The following LYRM4 variants were observed in gnomAD, a reference collection of about 807,000 sequenced individuals.
The protein encoded by LYRM4 is LYR motif containing 4, also known as LYR motif-containing protein 4.
LYRM4 carries 9 observed loss-of-function variants against 11.7 expected under a neutral mutation model. The ratio of observed to expected loss-of-function variants is 0.77; its 90% CI spans 0.46 to 1.34. The LOEUF (loss-of-function observed/expected upper bound fraction) is 1.34, where lower values mean the gene tolerates loss of function less well. Ranked by LOEUF, LYRM4 falls within the 40% of genes most tolerant of loss-of-function variation. LYRM4 has a pLI of 0.00. For missense variants in LYRM4, 133 were observed against 112.5 expected (o/e 1.18, Z -0.82); for synonymous variants, 42 against 40.4 (o/e 1.04, Z -0.15).
chr6:5,157,909 C>T lies in LYRM4; in HGVS notation c.208-48418G>A, dbSNP rs180776230. ...GAGAATACCCCAGCCGGCCAGCAGC[C>T]GCCTCTGCACTGTCGGCAGGCCCTG... On this transcript the variant is annotated intron_variant, in intron 2 of 2. Transcript: ENST00000330636. Among the ~76,000 whole-genome samples, 183 of 152,344 alleles carry T rather than the reference C, an allele frequency of 1.2e-3. 3 individuals carry two copies. Among genetic ancestry groups the T allele is most frequent in the Admixed American group, 0.012 (177 of 15,308 alleles).
chr6:5,230,194 T>C (rs929511416), intron 1 of LYRM4, among the ~76,000 whole-genome samples: 5 of 152,220 alleles, frequency 3.3e-5, no homozygotes, highest in African/African-American at 9.6e-5. Flanking sequence ...AACTGGTGGC[T>C]GTAGCTAAGA....
chr6:5,259,657 G>A (rs577748965), intron 1 of LYRM4, among the ~76,000 whole-genome samples: 1 of 152,290 alleles, frequency 6.6e-6, no homozygotes, highest in South Asian at 2.1e-4. Flanking sequence ...GTGTTCCAAG[G>A]GTAGGCTCTG....
At chr6:5,117,162 G>A (rs757194238) in intron 2 of LYRM4, among the ~76,000 whole-genome samples, 3 of 152,150 alleles carry the variant, frequency 2.0e-5, no homozygotes, top group Non-Finnish European at 4.4e-5. Context: ...ATGTCCTAAC[G>A]CTACTGGGAG....
At chr6:5,197,896 G>T (rs183659422) in intron 2 of LYRM4, among the ~76,000 whole-genome samples, 3,189 of 151,914 alleles carry the variant, frequency 0.021, 112 homozygotes, top group African/African-American at 0.074. Flanking sequence ...GCAGCGCCGG[G>T]TGCGGTGGCT....
intron 2 of LYRM4, among the ~76,000 whole-genome samples, chr6:5,139,180 A>C (rs956711038): frequency 1.3e-5 from 2 of 152,214 alleles, no homozygotes; most frequent in Non-Finnish European, 2.9e-5. Flanking sequence ...TCTGAATGAC[A>C]ATAGCTGGTG....
At chr6:5,107,661 C>G (rs1002878141), downstream of LYRM4, 3 of 152,180 alleles carry the variant, frequency 2.0e-5, no homozygotes, top group African/African-American at 7.2e-5. Flanking sequence ...AGCTCCCAGG[C>G]AGGAACTGGT....
chr6:5,157,990 C>T (rs143840826), intron 2 of LYRM4, among the ~76,000 whole-genome samples: 17 of 152,248 alleles, frequency 1.1e-4, no homozygotes, highest in Non-Finnish European at 2.1e-4. Context: ...GGGGGGCTGG[C>T]CCGAAACGCC....
intron 2 of LYRM4, among the ~76,000 whole-genome samples, chr6:5,173,514 T>C (rs914859733): frequency 1.3e-5 from 2 of 152,246 alleles, no homozygotes; most frequent in African/African-American, 4.8e-5. Flanking sequence ...GATGCCACAC[T>C]TTAAAAAGTT....
At chr6:5,237,654 A>T (rs974842495) in intron 1 of LYRM4, among the ~76,000 whole-genome samples, 1 of 152,054 alleles carries the variant, frequency 6.6e-6, no homozygotes, top group Admixed American at 6.6e-5. Flanking sequence ...GGGTGAACTG[A>T]GCACTACTTA....
At chr6:5,066,159 G>A in the LYRM4 span, 2 of 612,696 alleles carry the variant, frequency 3.3e-6, no homozygotes, top group African/African-American at 3.7e-5. Flanking sequence ...GCCCATTTTG[G>A]GTGTATACAT....
intron 2 of LYRM4, among the ~76,000 whole-genome samples, chr6:5,179,065 C>CAAAAAAAAAAAAAAAAAAAAAAAA (rs58749743): frequency 8.8e-4 from 91 of 103,782 alleles, no homozygotes; most frequent in Non-Finnish European, 1.3e-3. Flanking sequence ...ACCAAAAAAA[C>CAAAAAAAAAAAAAAAAAAAAAAAA]AAAAAAAAAA....
rs556449698 is a variant in LYRM4, at chr6:5,144,909, C to A, written c.208-35418G>T. Reference sequence around the variant, plus strand: ...TTAGGTCTGTGCTGAGACGCTTTGACGCGACATGGGAAGCAGGCGCAGGCC... The same window carrying A: ...TTAGGTCTGTGCTGAGACGCTTTGAAGCGACATGGGAAGCAGGCGCAGGCC... On this transcript the variant is annotated intron_variant, in intron 2 of 2. Coordinates refer to ENST00000330636, the MANE Select transcript of LYRM4 (RefSeq NM_020408.6). Among the ~76,000 whole-genome samples, 18 of 152,318 alleles carry A rather than the reference C, an allele frequency of 1.2e-4. No individual in the cohort carries two copies. The South Asian group carries it at 3.3e-3, about 28-fold the overall frequency.
intron 2 of LYRM4, among the ~76,000 whole-genome samples, chr6:5,200,643 T>C (rs1288537502): frequency 6.6e-6 from 1 of 152,206 alleles, no homozygotes; most frequent in African/African-American, 2.4e-5. Context: ...ACTAGCCTTG[T>C]GGAGAACATG....
chr6:5,044,133 G>GT, the LYRM4 span, among the ~76,000 whole-genome samples: 17 of 151,100 alleles, frequency 1.1e-4, no homozygotes, highest in South Asian at 1.5e-3. Flanking sequence ...TTGTTTGTTT[G>GT]TTTTTTGTTT....
chr6:5,080,571 C>T, the LYRM4 span, among the ~76,000 whole-genome samples: 1 of 152,194 alleles, frequency 6.6e-6, no homozygotes, highest in Non-Finnish European at 1.5e-5. Context: ...AGCATCCGAA[C>T]CGGGAGCACC....
At chr6:5,113,113 C>G (rs576574768) in intron 2 of LYRM4, 2 of 223,398 alleles carry the variant, frequency 9.0e-6, no homozygotes. Flanking sequence ...AGAGTTGTGG[C>G]GAGGGGACCC....
intron 1 of LYRM4, among the ~76,000 whole-genome samples, chr6:5,254,558 CTAGGAATAGAGA>C (rs1396357748): frequency 6.6e-6 from 1 of 152,182 alleles, no homozygotes; most frequent in Non-Finnish European, 1.5e-5. Flanking sequence ...ATGCTAAGCA[CTAGGAATAGAGA>C]TAAGACAGAA....
chr6:5,097,406 C>T, the LYRM4 span, among the ~76,000 whole-genome samples: 16 of 152,210 alleles, frequency 1.1e-4, no homozygotes, highest in African/African-American at 3.4e-4. Context: ...TGCAGTGGCA[C>T]GATTATGGCT....
chr6:5,202,010 T>C (rs1437637836), intron 2 of LYRM4, among the ~76,000 whole-genome samples: 4 of 152,210 alleles, frequency 2.6e-5, no homozygotes, highest in Non-Finnish European at 4.4e-5. Context: ...TCCTCTTTCA[T>C]GAAATGATCC....
Sources: gnomAD v4.1 joint callset for allele counts (sites outside exome capture counted in the v4.1 genomes callset) on GRCh38, gnomAD v4.1.1 for gene constraint, MANE v1.5 for transcripts, NCBI Gene and HGNC (gene_info 2026-07-23, HGNC 2026-07-21) for gene names.